PNLIPRP3: variants seen among roughly 807,000 people sequenced by gnomAD.
PNLIPRP3 encodes pancreatic lipase related protein 3, also known as pancreatic lipase-related protein 3.
A neutral mutation model predicts 52.8 loss-of-function variants in PNLIPRP3; 58 were observed. The observed-to-expected ratio is 1.10, with a 90% CI of 0.89 to 1.37. The LOEUF (loss-of-function observed/expected upper bound fraction) is 1.37, where lower values mean the gene tolerates loss of function less well. Among genes scored for constraint, PNLIPRP3 ranks in the 40% most tolerant of loss-of-function variants. The pLI is 0.00. For synonymous variants in PNLIPRP3, 192 were observed against 185.0 expected, an observed-to-expected ratio of 1.04 and a Z score of -0.31; for missense variants, 593 against 561.6, an observed-to-expected ratio of 1.06 and a Z score of -0.57.
intron 10 of PNLIPRP3, among the ~76,000 whole-genome samples, chr10:116,473,193 C>T (rs891692654): frequency 2.1e-4 from 32 of 152,202 alleles, no homozygotes; most frequent in African/African-American, 7.7e-4. Flanking sequence ...AATAAGTAAG[C>T]ATTGAAGGTT....
chr10:116,460,055 C>T (rs551499948), intron 5 of PNLIPRP3, among the ~76,000 whole-genome samples: 2 of 152,240 alleles, frequency 1.3e-5, no homozygotes, highest in Non-Finnish European at 2.9e-5. Context: ...TGTGAGCCAC[C>T]GCGCCCAGCC....
At chr10:116,448,050 AAGAAAGAAAAGAAAC>A (rs1845980632) in intron 4 of PNLIPRP3, among the ~76,000 whole-genome samples, 4 of 151,974 alleles carry the variant, frequency 2.6e-5, no homozygotes, top group South Asian at 2.1e-4. Flanking sequence ...AAGAGAAAGA[AAGAAAGAAAAGAAAC>A]AGAAAGAAAG....
chr10:116,458,064 A>C (rs1242851937), intron 5 of PNLIPRP3, among the ~76,000 whole-genome samples: 1 of 152,200 alleles, frequency 6.6e-6, no homozygotes, highest in Admixed American at 6.5e-5. Context: ...TATGATAAAC[A>C]TATTAAGGAC....
At chr10:116,438,149 G>A (rs555700173) in intron 2 of PNLIPRP3, among the ~76,000 whole-genome samples, 15 of 152,174 alleles carry the variant, frequency 9.9e-5, no homozygotes, top group Admixed American at 7.2e-4. Context: ...GGCTGTTGGA[G>A]ATGTTAGTCT....
rs1179729515 is a variant in PNLIPRP3, at chr10:116,477,498, T to G, written c.*345T>G. 2 of 170,774 alleles carry G rather than the reference T, an allele frequency of 1.2e-5. No homozygotes were observed. Among genetic ancestry groups the G allele is most frequent in the Non-Finnish European group, 2.5e-5 (2 of 81,152 alleles). 10.6% of individuals were successfully genotyped at this position (170,774 alleles called of 1,614,324 possible). ...ACTGGACAAAAGTAAGCCTCTGGCT[T>G]GCTGAGTTTTTGAAGTATATTTTCA... is the stretch of plus-strand genomic sequence containing the variant. On this transcript the variant is annotated 3_prime_UTR_variant, in exon 12 of 12. Transcript: ENST00000369230.
intron 5 of PNLIPRP3, among the ~76,000 whole-genome samples, chr10:116,456,865 C>T (rs377658759): frequency 2.6e-5 from 4 of 152,210 alleles, no homozygotes; most frequent in South Asian, 4.1e-4. Flanking sequence ...GGCTCAGTCC[C>T]TCATCTCTTG....
At chr10:116,451,991 G>A (rs908616265) in intron 4 of PNLIPRP3, among the ~76,000 whole-genome samples, 1 of 152,206 alleles carries the variant, frequency 6.6e-6, no homozygotes, top group Admixed American at 6.5e-5. Context: ...AAACTTCTTA[G>A]AGACTTGTTA....
In PNLIPRP3 at chr10:116,455,782, C is replaced by A. The variant is rs144686516; in HGVS notation, c.517C>A (p.Leu173Met). ...HLIGHSLGAH[L>M]AGEAGSRIPG... Reference sequence around the variant, plus strand: ...GATTGGCCACAGCTTGGGAGCACACCTGGCTGGGGAAGCTGGGTCAAGGAT... The same window carrying A: ...GATTGGCCACAGCTTGGGAGCACACATGGCTGGGGAAGCTGGGTCAAGGAT... The change falls in exon 5 of 12, where the codon CTG becomes ATG. Residue 173 changes from leucine (L) to methionine (M), a missense_variant. By Grantham distance (15) the Leu-to-Met change is conservative. Transcript: ENST00000369230. 5.0e-6 allele frequency: 8 copies of A among 1,613,604 alleles called. No homozygotes were observed. Among genetic ancestry groups the A allele is most frequent in the Non-Finnish European group, 6.8e-6 (8 of 1,179,848 alleles).
chr10:116,464,946 C>T (rs891323220), intron 7 of PNLIPRP3, among the ~76,000 whole-genome samples: 2 of 152,232 alleles, frequency 1.3e-5, no homozygotes, highest in African/African-American at 4.8e-5. Context: ...AGTGTTTCAG[C>T]AGCTCCTTTG....
intron 10 of PNLIPRP3, among the ~76,000 whole-genome samples, chr10:116,474,423 T>C (rs1846424956): frequency 3.3e-5 from 5 of 152,112 alleles, no homozygotes; most frequent in Admixed American, 3.3e-4. Context: ...CAAAAGCAAT[T>C]GCAACGAAAG....
At chr10:116,437,337 C>G (rs538615934) in intron 2 of PNLIPRP3, among the ~76,000 whole-genome samples, 1 of 152,224 alleles carries the variant, frequency 6.6e-6, no homozygotes, top group South Asian at 2.1e-4. Context: ...ACCTTGAGGT[C>G]AGGGATGGAA....
intron 9 of PNLIPRP3, among the ~76,000 whole-genome samples, chr10:116,470,537 T>G: frequency 1.4e-5 from 2 of 145,958 alleles, no homozygotes; most frequent in East Asian, 2.0e-4. Context: ...TGAGATGGAG[T>G]CTTGCTCTGT....
intron 10 of PNLIPRP3, among the ~76,000 whole-genome samples, chr10:116,474,279 A>G (rs1278528621): frequency 1.3e-5 from 2 of 152,148 alleles, no homozygotes; most frequent in Admixed American, 6.5e-5. Flanking sequence ...TGCTTACACC[A>G]TATATTACAA....
At chr10:116,428,158 T>C in intron 1 of PNLIPRP3, 97 bp downstream of exon 1, 1 of 876,238 alleles carries the variant, frequency 1.1e-6, no homozygotes, top group Non-Finnish European at 1.8e-6. Context: ...AAATTACTAT[T>C]GCTAATTTCA....
chr10:116,438,023 T>C (rs180911521), intron 2 of PNLIPRP3, among the ~76,000 whole-genome samples: 64 of 152,262 alleles, frequency 4.2e-4, no homozygotes, highest in African/African-American at 1.5e-3. Context: ...ATGATAGACA[T>C]CATAAACTAG....
At chr10:116,469,341 T>C in intron 9 of PNLIPRP3, 24 bp downstream of exon 9, 1 of 1,584,442 alleles carries the variant, frequency 6.3e-7, no homozygotes, top group East Asian at 2.3e-5. Flanking sequence ...CTAAGTTTAA[T>C]TGTAATGCTT....
intron 10 of PNLIPRP3, among the ~76,000 whole-genome samples, chr10:116,475,997 G>T (rs1252593164): frequency 6.6e-6 from 1 of 152,082 alleles, no homozygotes; most frequent in Non-Finnish European, 1.5e-5. Flanking sequence ...TGTTGGTTTG[G>T]GTGCCACGAC....
In PNLIPRP3 at chr10:116,436,897, T is replaced by C. The variant is rs187343985; in HGVS notation, c.204+32T>C. On this transcript the variant is annotated intron_variant, in intron 2 of 11. Coordinates refer to ENST00000369230, the MANE Select transcript of PNLIPRP3 (RefSeq NM_001011709.3). ...TAACTTGCAGCCTTCACACATGGAT[T>C]ATTCTAAAATATAAGATTTGCCTAT... The C allele has an allele frequency of 2.0e-6, 3 of 1,529,036 alleles. No individual in the cohort carries two copies. The African/African-American group carries it at 4.1e-5, about 21-fold the overall frequency. 94.7% of individuals were successfully genotyped at this position (1,529,036 alleles called of 1,614,324 possible). A position where few individuals can be genotyped will look rare whatever the true frequency, so the allele number is the denominator to read the frequency against.
Position 116,444,387 on chromosome 10 carries a change from G to A in PNLIPRP3, c.330G>A (p.Leu110=), listed in dbSNP as rs772744293. 1.6e-5 allele frequency: 25 copies of A among 1,606,080 alleles called. No individual in the cohort carries two copies. The highest frequency in any genetic ancestry group is 2.1e-5 in the Non-Finnish European group (25 of 1,176,030). ...TATATAAATCTTTGTGCCAGGTGTT[G>A]CTACAGCTGGAAGATATAAATTGCA... ...GKWQRDMCNV[L]LQLEDINCIN... is the part of the protein sequence containing the mutation. Residue 110 remains leucine, a synonymous_variant, in exon 4 of 12, where the codon TTG becomes TTA. Transcript: ENST00000369230.
Sources: gnomAD v4.1 joint callset for allele counts (sites outside exome capture counted in the v4.1 genomes callset) on GRCh38, gnomAD v4.1.1 for gene constraint, MANE v1.5 for transcripts, NCBI Gene and HGNC (gene_info 2026-07-23, HGNC 2026-07-21) for gene names.